TRIM59: variants seen among roughly 807,000 people sequenced by gnomAD.
TRIM59 encodes tripartite motif containing 59.
In TRIM59, 14 loss-of-function variants were observed where a neutral mutation model predicts 32.2. The observed-to-expected ratio is 0.43, with a 90% confidence interval of 0.29 to 0.68. The LOEUF (loss-of-function observed/expected upper bound fraction) is 0.68, where lower values mean the gene tolerates loss of function less well. Among genes scored for constraint, TRIM59 ranks in the 30% least tolerant of loss-of-function variants. The pLI is 0.15. For missense variants in TRIM59, 471 were observed against 463.3 expected (o/e 1.02, Z -0.15); for synonymous variants, 163 against 155.1 (o/e 1.05, Z -0.38).
intron 2 of TRIM59, among the ~76,000 whole-genome samples, chr3:160,439,929 AC>A (rs1465661006): frequency 6.6e-6 from 1 of 152,194 alleles, no homozygotes; most frequent in East Asian, 1.9e-4. Context: ...TAAAATCAAA[AC>A]CAAGCACATA....
intron 2 of TRIM59, 102 bp downstream of exon 2, chr3:160,448,624 G>T: frequency 3.0e-6 from 2 of 672,506 alleles, no homozygotes; most frequent in Non-Finnish European, 4.5e-6. Context: ...CCAACACAAT[G>T]TTTTTTCAAA....
intron 2 of TRIM59, among the ~76,000 whole-genome samples, chr3:160,439,855 T>G: frequency 6.6e-6 from 1 of 152,196 alleles, no homozygotes; most frequent in East Asian, 1.9e-4. Context: ...AAATTCAAAG[T>G]GTTCTGTTAA....
At chr3:160,446,490 T>C (rs1719533702) in intron 2 of TRIM59, among the ~76,000 whole-genome samples, 1 of 152,096 alleles carries the variant, frequency 6.6e-6, no homozygotes, top group East Asian at 1.9e-4. Context: ...GAAAAATCTA[T>C]TAATATAATT....
chr3:160,446,284 A>G (rs1273177894), intron 2 of TRIM59, among the ~76,000 whole-genome samples: 1 of 152,238 alleles, frequency 6.6e-6, no homozygotes, highest in Non-Finnish European at 1.5e-5. Flanking sequence ...AGTTTGCTAA[A>G]TATTTTGAAG....
At chr3:160,440,462 C>T (rs1368284336) in intron 2 of TRIM59, among the ~76,000 whole-genome samples, 1 of 152,174 alleles carries the variant, frequency 6.6e-6, no homozygotes, top group East Asian at 1.9e-4. Flanking sequence ...TTTCCAGTAA[C>T]AGAAGCCTGA....
At chr3:160,442,992 G>A (rs1408932516) in intron 2 of TRIM59, among the ~76,000 whole-genome samples, 3 of 152,086 alleles carry the variant, frequency 2.0e-5, no homozygotes, top group Non-Finnish European at 4.4e-5. Context: ...AGTGATACAC[G>A]CCTATAATCC....
At position 160,438,069 on chromosome 3, in the gene TRIM59, TAAAC is replaced by T; in HGVS notation, c.1111_1114del (p.Val371ThrfsTer11). 4.3e-6 allele frequency: 7 copies of T among 1,610,044 alleles called. No individual in the cohort carries two copies. Among genetic ancestry groups the T allele is most frequent in the Non-Finnish European group, 5.9e-6 (7 of 1,178,972 alleles). On this transcript the variant is annotated frameshift_variant, in exon 3 of 3. Coordinates refer to ENST00000309784, the MANE Select transcript of TRIM59 (RefSeq NM_173084.3). LOFTEE classifies it high-confidence loss of function. ...ATGCAGACTGTTAGATAAACTTTGGTAAACAGATAGAGAGGCTTCAGAAAACCAT... is the reference window on the plus strand; with the variant it reads ...ATGCAGACTGTTAGATAAACTTTGGTAGATAGAGAGGCTTCAGAAAACCAT...
Position 160,449,440 on chromosome 3 carries a change from C to T in TRIM59, c.-74+277G>A. On this transcript the variant is annotated intron_variant, in intron 1 of 2. Transcript: ENST00000309784. ...CCCGCCCGTCCCCAACCCCGCGGGA[C>T]TGACCGACTCGGCGGCGTCCGCTCA... 2.6e-6 allele frequency: 3 copies of T among 1,162,918 alleles called. No individual in the cohort carries two copies. The South Asian group carries it at 4.9e-5, about 19-fold the overall frequency. The allele number at this position is 1,162,918 out of a possible 1,614,324, so 72.0% of individuals were successfully genotyped here.
intron 2 of TRIM59, among the ~76,000 whole-genome samples, chr3:160,444,639 T>C (rs1031390636): frequency 6.6e-6 from 1 of 152,204 alleles, no homozygotes; most frequent in African/African-American, 2.4e-5. Context: ...TAGGATACAG[T>C]ATAAGTGATG....
At chr3:160,445,657 C>T (rs765554464) in intron 2 of TRIM59, among the ~76,000 whole-genome samples, 8 of 151,834 alleles carry the variant, frequency 5.3e-5, no homozygotes, top group Non-Finnish European at 1.0e-4. Context: ...GCCTATAATC[C>T]CAGCTACTCG....
At chr3:160,444,071 T>C (rs1194324029) in intron 2 of TRIM59, among the ~76,000 whole-genome samples, 1 of 152,198 alleles carries the variant, frequency 6.6e-6, no homozygotes, top group African/African-American at 2.4e-5. Flanking sequence ...ATGGCTCAGC[T>C]GTCACTGTAA....
chr3:160,436,081 C>T lies in TRIM59; in HGVS notation c.*1891G>A. 2 of 1,135,262 alleles carry T rather than the reference C, an allele frequency of 1.8e-6. No homozygotes were observed. Among genetic ancestry groups the T allele is most frequent in the Non-Finnish European group, 2.2e-6 (2 of 914,144 alleles). 70.3% of individuals were successfully genotyped at this position (1,135,262 alleles called of 1,614,324 possible). A position where few individuals can be genotyped will look rare whatever the true frequency, so the allele number is the denominator to read the frequency against. ...TAGCTGAGTATGTGTCTCTCCTTACCTCTACTATGCCCTTTAAATGTTCTT... is the reference window on the plus strand; with the variant it reads ...TAGCTGAGTATGTGTCTCTCCTTACTTCTACTATGCCCTTTAAATGTTCTT... On this transcript the variant is annotated 3_prime_UTR_variant, in exon 3 of 3. Transcript: ENST00000309784.
chr3:160,441,597 C>CA (rs1376368771), intron 2 of TRIM59, among the ~76,000 whole-genome samples: 5 of 151,354 alleles, frequency 3.3e-5, no homozygotes, highest in African/African-American at 7.3e-5. Context: ...ACTAAAAATA[C>CA]AAAAAAATTA....
intron 2 of TRIM59, among the ~76,000 whole-genome samples, chr3:160,442,585 C>A (rs993940542): frequency 2.6e-5 from 4 of 151,792 alleles, no homozygotes; most frequent in Middle Eastern, 3.4e-3. Context: ...AAGCAAAAAT[C>A]GTGGTTGGTC....
intron 1 of TRIM59, chr3:160,449,491 C>T: frequency 8.3e-7 from 1 of 1,204,330 alleles, no homozygotes; most frequent in Non-Finnish European, 1.1e-6. Context: ...CACAGAGGGC[C>T]TCCTCCCTCA....
Position 160,438,381 on chromosome 3 carries a change from G to A in TRIM59, c.803C>T (p.Pro268Leu), listed in dbSNP as rs1288339004. Residue 268 changes from proline (P) to leucine (L), a missense_variant, in exon 3 of 3, where the codon CCA (proline) becomes CTA (leucine). Pro to Leu is a moderately conservative substitution (Grantham distance 98). Transcript: ENST00000309784. ...TTCAACGGGTTGAACCTCAGGAAGT[G>A]GTCTTTGTTTCAAGATCTGTACATG... ...RQHVQILKQR[P>L]LPEVQPVEIY... 6.2e-7 allele frequency: 1 copy of A among 1,613,650 alleles called. No homozygotes were observed. Among genetic ancestry groups the A allele is most frequent in the East Asian group, 2.2e-5 (1 of 44,858 alleles).
Position 160,438,030 on chromosome 3 carries a change from A to C in TRIM59, c.1154T>G (p.Ile385Arg), listed in dbSNP as rs375827334. Residue 385 changes from isoleucine (I) to arginine (R), a missense_variant, in exon 3 of 3, where the codon ATA (isoleucine) becomes AGA (arginine). By Grantham distance (97) the Ile-to-Arg change is moderately conservative. Coordinates refer to ENST00000309784, the MANE Select transcript of TRIM59 (RefSeq NM_173084.3). Reference protein sequence around the residue: ...LSNSLHKVKNILCHIFYLLKE... With the variant: ...LSNSLHKVKNRLCHIFYLLKE... ...CAACAAATAGAAAATGTGACACAGT[A>C]TATTCTTTACCTTATGCAGACTGTT... The C allele has an allele frequency of 2.5e-6, 4 of 1,584,444 alleles. No homozygotes were observed. Among genetic ancestry groups the C allele is most frequent in the Non-Finnish European group, 3.4e-6 (4 of 1,171,198 alleles).
Position 160,438,039 on chromosome 3 carries a change from A to G in TRIM59, c.1145T>C (p.Val382Ala). Residue 382 changes from valine to alanine, a missense_variant, in exon 3 of 3, where the codon GTA becomes GCA. Transcript: ENST00000309784. ...YQSLSNSLHK[V>A]KNILCHIFYL... is the part of the protein sequence containing the mutation. ...GAAAATGTGACACAGTATATTCTTT[A>G]CCTTATGCAGACTGTTAGATAAACT... 2 of 1,595,020 alleles carry G rather than the reference A, an allele frequency of 1.3e-6. No homozygotes were observed. The highest frequency in any genetic ancestry group is 1.7e-6 in the Non-Finnish European group (2 of 1,175,008).
At chr3:160,445,003 C>T (rs1283927978) in intron 2 of TRIM59, among the ~76,000 whole-genome samples, 1 of 151,534 alleles carries the variant, frequency 6.6e-6, no homozygotes. Context: ...TCAGTAAAAT[C>T]TACAGAGCTA....
Sources: allele counts gnomAD v4.1 joint callset (sites outside exome capture counted in the v4.1 genomes callset), GRCh38; gene constraint gnomAD v4.1.1; transcripts MANE v1.5; gene names NCBI Gene and HGNC (gene_info 2026-07-23, HGNC 2026-07-21).